Variants in VPS13B observed in about 807,000 individuals in gnomAD.
VPS13B encodes intermembrane lipid transfer protein VPS13B.
Under a neutral mutation model 426.4 loss-of-function variants are expected in VPS13B, and 285 were observed. The ratio of observed to expected loss-of-function variants is 0.67; its 90% CI spans 0.61 to 0.74. The LOEUF (loss-of-function observed/expected upper bound fraction) is 0.74. Among genes scored for constraint, VPS13B ranks in the 30% least tolerant of loss-of-function variants. The pLI, the probability that VPS13B is intolerant of heterozygous loss-of-function variation, is 0.00. For missense variants in VPS13B, 4,537 were observed against 4,782.6 expected, an observed-to-expected ratio of 0.95 and a Z score of 1.51; for synonymous variants, 1,676 against 1,676.4, an observed-to-expected ratio of 1.00 and a Z score of 0.01.
At chr8:99,044,335 A>C (rs1197376161) in intron 3 of VPS13B, among the ~76,000 whole-genome samples, 1 of 151,596 alleles carries the variant, frequency 6.6e-6, no homozygotes, top group East Asian at 1.9e-4. Flanking sequence ...CGCCCACCTC[A>C]GCCTCCGAAA....
At chr8:99,476,510 T>A (rs543062493) in intron 24 of VPS13B, among the ~76,000 whole-genome samples, 1 of 151,866 alleles carries the variant, frequency 6.6e-6, no homozygotes, top group Non-Finnish European at 1.5e-5. Flanking sequence ...GAACGCCATA[T>A]CTACATACCT....
intron 8 of VPS13B, among the ~76,000 whole-genome samples, chr8:99,132,072 T>G (rs1809833190): frequency 6.6e-6 from 1 of 152,104 alleles, no homozygotes. Context: ...AATTTTTGTA[T>G]TTTTGGTAGA....
chr8:99,287,057 A>C (rs146226040), intron 19 of VPS13B, among the ~76,000 whole-genome samples: 4 of 152,220 alleles, frequency 2.6e-5, no homozygotes, highest in African/African-American at 9.6e-5. Context: ...GTTTTGTTTT[A>C]GGCTTTGTTA....
intron 33 of VPS13B, among the ~76,000 whole-genome samples, chr8:99,619,971 T>C (rs1202467931): frequency 3.3e-5 from 5 of 151,654 alleles, no homozygotes; most frequent in Non-Finnish European, 5.9e-5. Flanking sequence ...AATATAGCTG[T>C]TATTAATGGT....
chr8:99,129,426 G>C (rs1305784479), intron 8 of VPS13B, among the ~76,000 whole-genome samples: 1 of 151,392 alleles, frequency 6.6e-6, no homozygotes, highest in Non-Finnish European at 1.5e-5. Context: ...AAATTAGCAG[G>C]GCATGGTGGC....
At chr8:99,187,098 C>G (rs1462374657) in intron 16 of VPS13B, among the ~76,000 whole-genome samples, 2 of 152,112 alleles carry the variant, frequency 1.3e-5, no homozygotes, top group Non-Finnish European at 2.9e-5. Flanking sequence ...ATAGGACCTC[C>G]TAATTGCCAC....
At chr8:99,109,908 A>G (rs897353619) in intron 5 of VPS13B, among the ~76,000 whole-genome samples, 1 of 152,186 alleles carries the variant, frequency 6.6e-6, no homozygotes, top group African/African-American at 2.4e-5. Context: ...TCAGAAAATG[A>G]TAATTGTTAT....
intron 16 of VPS13B, among the ~76,000 whole-genome samples, chr8:99,182,889 C>T (rs1294771345): frequency 2.0e-5 from 3 of 152,078 alleles, no homozygotes; most frequent in African/African-American, 7.2e-5. Flanking sequence ...GGAACCCACC[C>T]CCATGTCTGG....
intron 19 of VPS13B, among the ~76,000 whole-genome samples, chr8:99,338,339 CTCA>C (rs1175631914): frequency 6.6e-6 from 1 of 151,976 alleles, no homozygotes; most frequent in African/African-American, 2.4e-5. Flanking sequence ...CGTAGTGTAT[CTCA>C]TCATTTTTTT....
Position 99,835,578 on chromosome 8 carries a change from C to T in VPS13B, c.9782C>T (p.Ser3261Phe), listed in dbSNP as rs1372759268. 9.3e-6 allele frequency: 15 copies of T among 1,614,016 alleles called. No individual in the cohort carries two copies. The highest frequency in any genetic ancestry group is 1.2e-5 in the Non-Finnish European group (14 of 1,180,034). Residue 3261 changes from serine (S) to phenylalanine (F), a missense_variant, in exon 54 of 62, where the codon TCC (serine) becomes TTC (phenylalanine). Ser to Phe is a radical substitution (Grantham distance 155, BLOSUM62 -2). Around this residue, in one of 2 missense-constraint regions of VPS13B, gnomAD observed 4,311 missense variants for 4,474.3 expected, o/e 0.96. Coordinates refer to ENST00000357162, the MANE Select transcript of VPS13B (RefSeq NM_152564.5). Reference sequence around the variant, plus strand: ...GAGGTTTATTGCAAAAAAATTCCCTCCGAGTGCTCAATTCATCATGAGCTG... The same window carrying T: ...GAGGTTTATTGCAAAAAAATTCCCTTCGAGTGCTCAATTCATCATGAGCTG... The part of the protein sequence containing the change: ...KFEVYCKKIP[S>F]ECSIHHELYH...
intron 4 of VPS13B, among the ~76,000 whole-genome samples, chr8:99,098,915 T>A (rs984354886): frequency 1.3e-5 from 2 of 152,112 alleles, no homozygotes; most frequent in African/African-American, 2.4e-5. Context: ...GTATTCAGTA[T>A]TTTTTAGTCG....
At chr8:99,843,544 C>T (rs1272853308) in intron 54 of VPS13B, among the ~76,000 whole-genome samples, 3 of 152,198 alleles carry the variant, frequency 2.0e-5, no homozygotes, top group Non-Finnish European at 4.4e-5. Flanking sequence ...TCCCCCTTTC[C>T]CTGCTGTTTT....
chr8:99,039,369 C>T (rs1378324956), intron 3 of VPS13B, among the ~76,000 whole-genome samples: 1 of 151,896 alleles, frequency 6.6e-6, no homozygotes, highest in African/African-American at 2.4e-5. Flanking sequence ...TTCTCTGACC[C>T]ATCTTACATT....
At chr8:99,735,687 G>A (rs575277635) in intron 39 of VPS13B, among the ~76,000 whole-genome samples, 2 of 152,266 alleles carry the variant, frequency 1.3e-5, no homozygotes, top group African/African-American at 4.8e-5. Context: ...ATTTTTCATG[G>A]AAGCCCTAGG....
intron 5 of VPS13B, among the ~76,000 whole-genome samples, chr8:99,104,079 T>C (rs1846911903): frequency 6.6e-6 from 1 of 152,212 alleles, no homozygotes; most frequent in Admixed American, 6.5e-5. Context: ...TTTGTTGTTA[T>C]GCAAACATCA....
intron 31 of VPS13B, among the ~76,000 whole-genome samples, chr8:99,574,917 A>G (rs920694357): frequency 1.3e-5 from 2 of 152,230 alleles, no homozygotes; most frequent in African/African-American, 4.8e-5. Context: ...TAATCCCAGC[A>G]CTTTGAGAGT....
chr8:99,696,515 C>A (rs1423024244), intron 35 of VPS13B: 3 of 445,330 alleles, frequency 6.7e-6, no homozygotes, highest in South Asian at 2.0e-5. Flanking sequence ...TCGTGGTTGT[C>A]CAGTTCATGG....
At chr8:99,454,732 A>G (rs1818362376) in intron 23 of VPS13B, among the ~76,000 whole-genome samples, 3 of 152,178 alleles carry the variant, frequency 2.0e-5, no homozygotes, top group Non-Finnish European at 4.4e-5. Context: ...CAAAGTGGCC[A>G]TACAATTTTG....
At chr8:99,558,624 T>C (rs1055635110) in intron 31 of VPS13B, among the ~76,000 whole-genome samples, 9 of 152,094 alleles carry the variant, frequency 5.9e-5, no homozygotes, top group African/African-American at 2.2e-4. Context: ...GTGTTCTCAT[T>C]GTTCAATTCC....
Sources: gnomAD v4.1 joint callset for allele counts (sites outside exome capture counted in the v4.1 genomes callset) on GRCh38, gnomAD v4.1.1 for gene constraint, gnomAD v4.1.1 regional missense constraint, MANE v1.5 for transcripts, NCBI Gene and HGNC (gene_info 2026-07-23, HGNC 2026-07-21) for gene names.